Variants in PRCD observed in about 807,000 individuals in gnomAD.
PRCD encodes the protein photoreceptor disk component PRCD.
In PRCD, 12 loss-of-function variants were observed where a neutral mutation model predicts 10.1. The observed-to-expected ratio is 1.18, with a 90% confidence interval of 0.76 to 1.92. The LOEUF is 1.92. Among genes scored for constraint, PRCD ranks in the 40% most tolerant of loss-of-function variants. The pLI is 0.00. For synonymous variants in PRCD, 31 were observed against 26.2 expected, an observed-to-expected ratio of 1.18 and a Z score of -0.56; for missense variants, 61 against 72.2, an observed-to-expected ratio of 0.84 and a Z score of 0.56.
At chr17:76,527,893 T>C (rs2074785906) in intron 1 of PRCD, 1 of 437,062 alleles carries the variant, frequency 2.3e-6, no homozygotes, top group Non-Finnish European at 4.7e-6. Context: ...GGAAGTGGAA[T>C]TCAGGAATGT....
intron 2 of PRCD, among the ~76,000 whole-genome samples, chr17:76,541,010 C>T (rs2074986198): frequency 6.6e-6 from 1 of 152,210 alleles, no homozygotes; most frequent in African/African-American, 2.4e-5. Flanking sequence ...CAATAGAAGG[C>T]GCGGGAGGAG....
chr17:76,546,434 TGTG>T (rs1454484447), downstream of PRCD: 1 of 14,546 alleles, frequency 6.9e-5, no homozygotes, highest in Non-Finnish European at 3.8e-4. The surrounding 1 kb of genome is among the most constrained non-coding windows in gnomAD (Gnocchi z 4.5). Context: ...AGTGTGCGGT[TGTG>T]TGTGTGTGTG....
chr17:76,528,677 G>C lies in PRCD; in HGVS notation n.45+844G>C. On this transcript the variant is annotated intron_variant and non_coding_transcript_variant, in intron 1 of 4. Transcript: ENST00000397633. This position sits in a 1 kb window ranked among gnomAD's most constrained non-coding sequence, Gnocchi z 5.8. ...GGCAGGGAAGGACCCTCGGGGGAAA[G>C]GGGGAGGACCTGGGGCTGGCGAGGC... 8.1e-7 allele frequency: 1 copy of C among 1,237,054 alleles called. No individual in the cohort carries two copies. 76.6% of individuals were successfully genotyped at this position (1,237,054 alleles called of 1,614,324 possible).
intron 1 of PRCD, among the ~76,000 whole-genome samples, chr17:76,552,450 C>T (rs928278411): frequency 7.2e-5 from 11 of 151,962 alleles, no homozygotes; most frequent in Admixed American, 1.3e-4. Flanking sequence ...CCACCCTCCT[C>T]GGCCTCCCAA....
At chr17:76,539,447 G>C (rs915229022), upstream of PRCD, among the ~76,000 whole-genome samples, 1 of 152,184 alleles carries the variant, frequency 6.6e-6, no homozygotes, top group African/African-American at 2.4e-5. Flanking sequence ...GCCTTTTACT[G>C]AAGAGGGCGT....
At chr17:76,541,651 A>G (rs1420099783) in intron 2 of PRCD, among the ~76,000 whole-genome samples, 1 of 152,236 alleles carries the variant, frequency 6.6e-6, no homozygotes, top group Non-Finnish European at 1.5e-5. Context: ...TCGATAGGCC[A>G]GCTGGCATCA....
chr17:76,544,929 G>A lies in PRCD; in HGVS notation c.*1279G>A, dbSNP rs1420112626. On this transcript the variant is annotated 3_prime_UTR_variant, in exon 5 of 5. Coordinates refer to ENST00000592014, the MANE Select transcript of PRCD (RefSeq NM_001077620.3). ...GTTCCGAGAACCTGCGCAGGAGGTG[G>A]TGGCTGCTCCAGGGATCCATCCAGA... The A allele has an allele frequency of 2.2e-6, 1 of 456,770 alleles. No homozygotes were observed. The highest frequency in any genetic ancestry group is 1.5e-5 in the South Asian group (1 of 64,574). The allele number at this position is 456,770 out of a possible 1,614,324, so 28.3% of individuals were successfully genotyped here. A position where few individuals can be genotyped will look rare whatever the true frequency, so the allele number is the denominator to read the frequency against.
rs560585052 is a variant in PRCD at position 76,530,251 on chromosome 17, T to TC, written n.45+2422dup. Among the ~76,000 whole-genome samples, 62 of 152,040 alleles carry TC rather than the reference T, an allele frequency of 4.1e-4. No homozygotes were observed. The highest frequency in any genetic ancestry group is 1.4e-3 in the African/African-American group (57 of 41,482). On this transcript the variant is annotated intron_variant and non_coding_transcript_variant, in intron 1 of 4. Transcript: ENST00000397633. The surrounding 1 kb of genome is among the most constrained non-coding windows in gnomAD (Gnocchi z 6.1). The stretch of plus-strand genomic sequence containing the variant: ...CTCCATTCAGCTCCCAGAGTCAGCC[T>TC]CCCCTTGGGGGCCCAGGGAGGCCGA...
rs534548559 is a variant in PRCD at position 76,544,054 on chromosome 17, T to C, written c.*404T>C. On this transcript the variant is annotated 3_prime_UTR_variant, in exon 5 of 5. Transcript: ENST00000592014. ...GGCGGCTGCCTCCTTTGCCCCCAGC[T>C]GCTCTGCCATTTCTCTCTTTTCAAT... 2.2e-6 allele frequency: 1 copy of C among 454,786 alleles called. No individual in the cohort carries two copies. Among genetic ancestry groups the C allele is most frequent in the East Asian group, 6.9e-5 (1 of 14,400 alleles). The allele number at this position is 454,786 out of a possible 1,614,324, so 28.2% of individuals were successfully genotyped here.
Position 76,540,266 on chromosome 17 carries a change from T to TGGGGGGGGGGGGGG in PRCD, c.74+55_74+56insGGGGGGGGGGGGGG, listed in dbSNP as rs2074974709. 2.9e-6 allele frequency: 1 copy of TGGGGGGGGGGGGGG among 343,106 alleles called. No individual in the cohort carries two copies. The allele number at this position is 343,106 out of a possible 1,614,324, so 21.3% of individuals were successfully genotyped here. Reference sequence around the variant, plus strand: ...GGCGGTTGGTCGGGGGGGGGGGGCATGGGGCTGGGCTGCCACCAAGCTGAA... The same window carrying TGGGGGGGGGGGGGG: ...GGCGGTTGGTCGGGGGGGGGGGGCATGGGGGGGGGGGGGGGGGGCTGGGCTGCCACCAAGCTGAA... On this transcript the variant is annotated intron_variant, in intron 1 of 4. Coordinates refer to ENST00000592014, the MANE Select transcript of PRCD (RefSeq NM_001077620.3). The surrounding 1 kb of genome is among the most constrained non-coding windows in gnomAD (Gnocchi z 5.0).
chr17:76,527,749 C>G (rs780799906), upstream of PRCD: 95 of 453,914 alleles, frequency 2.1e-4, no homozygotes, highest in Non-Finnish European at 3.9e-4. Flanking sequence ...AGCTAGCGGT[C>G]GAGGTTTCTG....
chr17:76,529,737 C>T, intron 1 of PRCD: 1 of 985,368 alleles, frequency 1.0e-6, no homozygotes. Context: ...GAGGGGGCAA[C>T]CACTGCTCTC....
chr17:76,545,133 C>T lies in PRCD; in HGVS notation c.*1483C>T, dbSNP rs1198892497. On this transcript the variant is annotated 3_prime_UTR_variant, in exon 5 of 5. Coordinates refer to ENST00000592014, the MANE Select transcript of PRCD (RefSeq NM_001077620.3). ...TTGTGTTTACACCTTCCCCGCACAC[C>T]CAGCCCACGCTCGCCTCTTATTCCC... 16 of 456,486 alleles carry T rather than the reference C, an allele frequency of 3.5e-5. No homozygotes were observed. Among genetic ancestry groups the T allele is most frequent in the African/African-American group, 3.2e-4 (16 of 50,076 alleles). The allele number at this position is 456,486 out of a possible 1,614,324, so 28.3% of individuals were successfully genotyped here. A position where few individuals can be genotyped will look rare whatever the true frequency, so the allele number is the denominator to read the frequency against.
upstream of PRCD, among the ~76,000 whole-genome samples, chr17:76,539,604 T>A (rs1203333638): frequency 6.6e-6 from 1 of 152,212 alleles, no homozygotes; most frequent in Non-Finnish European, 1.5e-5. Context: ...CATCATTGCT[T>A]CACCTCCATT....
downstream of PRCD, among the ~76,000 whole-genome samples, chr17:76,547,619 G>A (rs1191770846): frequency 6.7e-6 from 1 of 149,440 alleles, no homozygotes; most frequent in Non-Finnish European, 1.5e-5. Flanking sequence ...GGCCAATCCT[G>A]TCCCTATGTG....
At chr17:76,546,870 G>A (rs1269311131), downstream of PRCD, 1 of 152,216 alleles carries the variant, frequency 6.6e-6, no homozygotes, top group Admixed American at 6.5e-5. The surrounding 1 kb of genome is among the most constrained non-coding windows in gnomAD (Gnocchi z 4.5). Context: ...GGAAAGTGAG[G>A]TTCACAGAAC....
intron 1 of PRCD, chr17:76,527,907 G>A (rs1420773699): frequency 1.4e-5 from 6 of 424,588 alleles, no homozygotes; most frequent in East Asian, 7.1e-5. Flanking sequence ...GGAATGTGGG[G>A]AGCTGGTCTG....
At chr17:76,543,378 ATAAG>A (rs762765889) in intron 4 of PRCD, 5 of 339,854 alleles carry the variant, frequency 1.5e-5, no homozygotes, top group Non-Finnish European at 2.9e-5. Flanking sequence ...AGAGGCAGGA[ATAAG>A]TAAGGAGTGA....
downstream of PRCD, among the ~76,000 whole-genome samples, chr17:76,547,621 C>T (rs78631011): frequency 5.5e-4 from 82 of 147,894 alleles, no homozygotes; most frequent in East Asian, 0.015. Flanking sequence ...CCAATCCTGT[C>T]CCTATGTGAA....
Sources: gnomAD v4.1 joint callset for allele counts (sites outside exome capture counted in the v4.1 genomes callset) on GRCh38, gnomAD v4.1.1 for gene constraint, Gnocchi (gnomAD v3.1) non-coding constraint, MANE v1.5 for transcripts, NCBI Gene and HGNC (gene_info 2026-07-23, HGNC 2026-07-21) for gene names.